The following ITFG1 variants were observed in gnomAD, a reference collection of about 807,000 sequenced individuals.
ITFG1 encodes integrin alpha FG-GAP repeat containing 1, also known as T-cell immunomodulatory protein.
A neutral mutation model predicts 81.8 loss-of-function variants in ITFG1; 34 were observed. That is an observed-to-expected ratio of 0.42 (90% CI 0.32 to 0.55). The LOEUF (loss-of-function observed/expected upper bound fraction) is 0.55. ITFG1 is among the 20% of genes least tolerant of loss of function. ITFG1 has a pLI of 0.17. For missense variants in ITFG1, 672 were observed against 755.4 expected (o/e 0.89, Z 1.29); for synonymous variants, 285 against 270.6 (o/e 1.05, Z -0.52).
intron 8 of ITFG1, among the ~76,000 whole-genome samples, chr16:47,320,271 C>G (rs1016654642): frequency 6.6e-6 from 1 of 152,186 alleles, no homozygotes; most frequent in African/African-American, 2.4e-5. Flanking sequence ...TGTAGCAGCC[C>G]TTTCAAAATT....
chr16:47,448,116 T>C (rs1196022687), intron 5 of ITFG1: 3 of 152,220 alleles, frequency 2.0e-5, no homozygotes, highest in African/African-American at 7.2e-5. Flanking sequence ...TATTTGGTTT[T>C]ATTTTGTGTT....
At chr16:47,346,251 C>T (rs755416876) in intron 8 of ITFG1, among the ~76,000 whole-genome samples, 1 of 152,160 alleles carries the variant, frequency 6.6e-6, no homozygotes, top group Admixed American at 6.5e-5. Context: ...CCAACCACAA[C>T]TGTATAAAAA....
At chr16:47,208,460 A>C (rs1211843586) in intron 14 of ITFG1, among the ~76,000 whole-genome samples, 1 of 152,206 alleles carries the variant, frequency 6.6e-6, no homozygotes, top group East Asian at 1.9e-4. Flanking sequence ...CAGCTATGAG[A>C]CTAGTATGAG....
chr16:47,320,000 C>T (rs1338806990), intron 8 of ITFG1, among the ~76,000 whole-genome samples: 1 of 152,164 alleles, frequency 6.6e-6, no homozygotes. Flanking sequence ...CCGCTCACTG[C>T]AACTTTCGCC....
At chr16:47,193,080 A>T (rs1220769390) in intron 14 of ITFG1, among the ~76,000 whole-genome samples, 2 of 151,052 alleles carry the variant, frequency 1.3e-5, no homozygotes, top group African/African-American at 2.4e-5. Flanking sequence ...AGAGCTGTTG[A>T]TTTTCAGTTT....
intron 8 of ITFG1, 75 bp from the exon 9 acceptor site, chr16:47,313,898 A>G: frequency 1.3e-6 from 1 of 766,616 alleles, no homozygotes; most frequent in Non-Finnish European, 2.1e-6. Context: ...TAAATTTACT[A>G]TTTGTTCAAA....
At chr16:47,315,308 C>T (rs569337218) in intron 8 of ITFG1, among the ~76,000 whole-genome samples, 27 of 150,188 alleles carry the variant, frequency 1.8e-4, no homozygotes, top group Non-Finnish European at 3.7e-4. Context: ...AAACATATAT[C>T]ACAGCTTAAA....
At chr16:47,354,427 T>C (rs1272555659) in intron 8 of ITFG1, among the ~76,000 whole-genome samples, 1 of 152,026 alleles carries the variant, frequency 6.6e-6, no homozygotes, top group Non-Finnish European at 1.5e-5. Context: ...GCCTTAAAGG[T>C]AAGACTTAGA....
At chr16:47,344,470 G>T (rs1430773999) in intron 8 of ITFG1, among the ~76,000 whole-genome samples, 1 of 152,074 alleles carries the variant, frequency 6.6e-6, no homozygotes, top group African/African-American at 2.4e-5. Context: ...ACTTAAAATG[G>T]AAGACTTTTA....
At chr16:47,257,417 TAAC>T (rs1966153006) in intron 12 of ITFG1, among the ~76,000 whole-genome samples, 1 of 152,146 alleles carries the variant, frequency 6.6e-6, no homozygotes, top group Non-Finnish European at 1.5e-5. Flanking sequence ...GGCATGCACT[TAAC>T]AAAACATGTA....
At chr16:47,353,534 T>A (rs1967996073) in intron 8 of ITFG1, among the ~76,000 whole-genome samples, 1 of 151,988 alleles carries the variant, frequency 6.6e-6, no homozygotes, top group Non-Finnish European at 1.5e-5. Flanking sequence ...TAAAAAAAAA[T>A]TGGAAATCTT....
At chr16:47,413,966 G>A (rs1277457514) in intron 6 of ITFG1, among the ~76,000 whole-genome samples, 6 of 151,722 alleles carry the variant, frequency 4.0e-5, no homozygotes, top group South Asian at 2.1e-4. Context: ...GATTACAGGC[G>A]CCTGCCCCCA....
chr16:47,380,059 A>AAC (rs1968376983), intron 6 of ITFG1, among the ~76,000 whole-genome samples: 1 of 151,776 alleles, frequency 6.6e-6, no homozygotes, highest in Non-Finnish European at 1.5e-5. Context: ...AAAAAAAAAA[A>AAC]AAAAAAAAAA....
At chr16:47,437,432 C>A (rs1300966627) in intron 5 of ITFG1, among the ~76,000 whole-genome samples, 1 of 147,820 alleles carries the variant, frequency 6.8e-6, no homozygotes, top group Non-Finnish European at 1.5e-5. Context: ...CGTACCACTG[C>A]ACTTCGGCCT....
Position 47,253,783 on chromosome 16 carries a change from G to A in ITFG1, c.1330+4849C>T, listed in dbSNP as rs574300077. On this transcript the variant is annotated intron_variant, in intron 12 of 17. Coordinates refer to ENST00000320640, the MANE Select transcript of ITFG1 (RefSeq NM_030790.5). ...GAGCTCAGGCGGTAATGCCAGTGAT[G>A]GGGTGTGGCTATAAATACAGGGGAA... Among the ~76,000 whole-genome samples the A allele has an allele frequency of 3.3e-5, 5 of 152,264 alleles. No individual in the cohort carries two copies. In the South Asian group the frequency reaches 6.2e-4, roughly 19 times the overall value.
chr16:47,262,495 A>G (rs1308167607), intron 10 of ITFG1, among the ~76,000 whole-genome samples: 1 of 152,234 alleles, frequency 6.6e-6, no homozygotes, highest in East Asian at 1.9e-4. Context: ...AACATGTGAT[A>G]AAAGCGGACT....
Position 47,416,016 on chromosome 16 carries a change from C to G in ITFG1, c.655+12788G>C, listed in dbSNP as rs564820406. Among the ~76,000 whole-genome samples, 9 of 152,242 alleles carry G rather than the reference C, an allele frequency of 5.9e-5. No individual in the cohort carries two copies. The South Asian group carries it at 1.9e-3, about 32-fold the overall frequency. ...GGCTGAGGCAGGAGAATCCCTTGAA[C>G]CCAGGAGGCAGAGGCTGCAATGAGC... On this transcript the variant is annotated intron_variant, in intron 6 of 17. Coordinates refer to ENST00000320640, the MANE Select transcript of ITFG1 (RefSeq NM_030790.5).
At chr16:47,223,089 A>G (rs1965713653) in intron 13 of ITFG1, among the ~76,000 whole-genome samples, 1 of 151,522 alleles carries the variant, frequency 6.6e-6, no homozygotes, top group Non-Finnish European at 1.5e-5. Context: ...TCAATTCAAG[A>G]TGGATTAAAG....
intron 17 of ITFG1, 52 bp downstream of exon 17, chr16:47,158,821 G>GAGCAA (rs1276095814): frequency 1.1e-6 from 1 of 872,536 alleles, no homozygotes; most frequent in Non-Finnish European, 1.9e-6. Context: ...AGCAATGTAT[G>GAGCAA]TATTACTAGA....
Sources: allele counts gnomAD v4.1 joint callset (sites outside exome capture counted in the v4.1 genomes callset), GRCh38; gene constraint gnomAD v4.1.1; transcripts MANE v1.5; gene names NCBI Gene and HGNC (gene_info 2026-07-23, HGNC 2026-07-21).